The following CPN1 variants were observed in gnomAD, a reference collection of about 807,000 sequenced individuals.
CPN1 encodes the protein carboxypeptidase N catalytic chain.
A neutral mutation model predicts 46.4 loss-of-function variants in CPN1; 37 were observed. The ratio of observed to expected loss-of-function variants is 0.80; its 90% CI spans 0.61 to 1.05. CPN1 has a LOEUF of 1.05. Among genes scored for constraint, CPN1 ranks in the 50% least tolerant of loss-of-function variants. The pLI is 0.00. For missense variants in CPN1, 563 were observed against 602.6 expected, an observed-to-expected ratio of 0.93 and a Z score of 0.69; for synonymous variants, 224 against 235.4, an observed-to-expected ratio of 0.95 and a Z score of 0.44.
Position 100,063,692 on chromosome 10 carries a change from T to C in CPN1, c.793A>G (p.Met265Val). 1.2e-6 allele frequency: 2 copies of C among 1,614,014 alleles called. No homozygotes were observed. The highest frequency in any genetic ancestry group is 1.7e-6 in the Non-Finnish European group (2 of 1,179,962). Reference sequence around the variant, plus strand: ...TCTCCGCAGTTCCAACCTTGGAACATCCATCCATGTGCATAGGAGTAGACC... The same window carrying C: ...TCTCCGCAGTTCCAACCTTGGAACACCCATCCATGTGCATAGGAGTAGACC... Reference protein sequence around the residue: ...AKVYSYAHGWMFQGWNCGDYF... With the variant: ...AKVYSYAHGWVFQGWNCGDYF... The change falls in exon 5 of 9, where the codon ATG becomes GTG. Residue 265 changes from methionine (M) to valine (V), a missense_variant. Met to Val is a conservative substitution (Grantham distance 21). Coordinates refer to ENST00000370418, the MANE Select transcript of CPN1 (RefSeq NM_001308.3).
chr10:100,062,165 G>C (rs936724614), intron 5 of CPN1, among the ~76,000 whole-genome samples: 1 of 152,230 alleles, frequency 6.6e-6, no homozygotes, highest in Non-Finnish European at 1.5e-5. Context: ...GAAGGATGGG[G>C]AAAGACAGGT....
chr10:100,044,001 A>C (rs1469752768), intron 8 of CPN1, among the ~76,000 whole-genome samples: 1 of 152,110 alleles, frequency 6.6e-6, no homozygotes, highest in Admixed American at 6.6e-5. Flanking sequence ...ACAGTGTCCT[A>C]ACCACACTCC....
intron 2 of CPN1, among the ~76,000 whole-genome samples, chr10:100,071,281 GCAATTTATTCTC>G: frequency 6.6e-6 from 1 of 152,282 alleles, no homozygotes; most frequent in South Asian, 2.1e-4. Context: ...TATAACAACA[GCAATTTATTCTC>G]CAATTTATTC....
intron 8 of CPN1, among the ~76,000 whole-genome samples, chr10:100,043,504 C>A (rs1341772738): frequency 6.6e-6 from 1 of 152,070 alleles, no homozygotes; most frequent in Admixed American, 6.6e-5. Context: ...GGTGCTGTAA[C>A]AATCTTCTTT....
intron 8 of CPN1, among the ~76,000 whole-genome samples, chr10:100,046,510 C>A (rs551627946): frequency 6.6e-6 from 1 of 152,170 alleles, no homozygotes; most frequent in African/African-American, 2.4e-5. Context: ...CAGTGGCTCA[C>A]GCCTGTAATC....
chr10:100,052,020 T>A (rs1164101916), intron 7 of CPN1, among the ~76,000 whole-genome samples: 1 of 151,578 alleles, frequency 6.6e-6, no homozygotes, highest in Non-Finnish European at 1.5e-5. Flanking sequence ...CATGCCTCTG[T>A]GCCTCAGCTT....
intron 2 of CPN1, among the ~76,000 whole-genome samples, chr10:100,073,426 C>T (rs1158537110): frequency 2.0e-5 from 3 of 152,144 alleles, no homozygotes; most frequent in African/African-American, 4.8e-5. Flanking sequence ...GTTTCATAAA[C>T]AGGGCTAGTG....
intron 8 of CPN1, 42 bp from the exon 9 acceptor site, chr10:100,042,615 A>T (rs1466741294): frequency 6.2e-7 from 1 of 1,612,826 alleles, no homozygotes; most frequent in Non-Finnish European, 8.5e-7. Context: ...CGTTTGGACC[A>T]TCTTTTGCCA....
chr10:100,077,143 G>A (rs1350113071), intron 1 of CPN1, among the ~76,000 whole-genome samples: 1 of 151,584 alleles, frequency 6.6e-6, no homozygotes, highest in Non-Finnish European at 1.5e-5. Flanking sequence ...CACCCTTCTA[G>A]GCCCAGTTCA....
intron 1 of CPN1, among the ~76,000 whole-genome samples, chr10:100,080,757 T>A (rs1047981719): frequency 4.6e-5 from 7 of 151,966 alleles, no homozygotes; most frequent in Non-Finnish European, 1.0e-4. Context: ...GCCGGGCGTA[T>A]TGGTGCATGC....
At chr10:100,054,549 T>A in intron 6 of CPN1, 103 bp from the exon 7 acceptor site, 2 of 923,830 alleles carry the variant, frequency 2.2e-6, no homozygotes, top group East Asian at 5.0e-5. Flanking sequence ...TATTTTATCT[T>A]CACAAAGATG....
chr10:100,045,356 A>T (rs994669672), intron 8 of CPN1, among the ~76,000 whole-genome samples: 5 of 152,236 alleles, frequency 3.3e-5, no homozygotes, highest in African/African-American at 1.2e-4. Context: ...GGATATAACA[A>T]GAAAAAAGGG....
intron 1 of CPN1, 65 bp downstream of exon 1, chr10:100,081,338 C>T (rs2041543692): frequency 2.8e-6 from 4 of 1,438,020 alleles, no homozygotes; most frequent in Admixed American, 3.8e-5. Flanking sequence ...GAAACCACTC[C>T]AATTACTGGA....
chr10:100,073,584 T>C (rs1354508813), intron 2 of CPN1, among the ~76,000 whole-genome samples: 1 of 151,024 alleles, frequency 6.6e-6, no homozygotes, highest in Non-Finnish European at 1.5e-5. Flanking sequence ...TTTCTAGAGA[T>C]CATTCACATT....
At position 100,056,868 on chromosome 10, in the gene CPN1, T is replaced by C. The variant is rs571477172; in HGVS notation, c.1011+145A>G. The C allele has an allele frequency of 1.2e-5, 12 of 998,634 alleles. No individual in the cohort carries two copies. In the East Asian group the frequency reaches 2.9e-4, roughly 24 times the overall value. 61.9% of individuals were successfully genotyped at this position (998,634 alleles called of 1,614,324 possible). On this transcript the variant is annotated intron_variant, in intron 6 of 8. Transcript: ENST00000370418. ...CGTTCAGCTGCTCAATAATGTTGAA[T>C]GAATAAATCTCAATGGAAGAAGACG...
chr10:100,052,778 G>A (rs984726401), intron 7 of CPN1, among the ~76,000 whole-genome samples: 1 of 152,164 alleles, frequency 6.6e-6, no homozygotes, highest in African/African-American at 2.4e-5. Flanking sequence ...TACTTGGGAG[G>A]CTGAGGAGGG....
intron 5 of CPN1, among the ~76,000 whole-genome samples, chr10:100,060,208 C>A (rs571971811): frequency 2.6e-5 from 4 of 152,066 alleles, no homozygotes; most frequent in African/African-American, 9.7e-5. Flanking sequence ...CTTAATAATA[C>A]GGAATCATAT....
intron 8 of CPN1, among the ~76,000 whole-genome samples, chr10:100,045,304 C>T (rs1218311009): frequency 6.6e-6 from 1 of 152,040 alleles, no homozygotes; most frequent in African/African-American, 2.4e-5. Context: ...GCTGGTAATG[C>T]AAAACTTATA....
At chr10:100,043,680 A>T (rs147981431) in intron 8 of CPN1, among the ~76,000 whole-genome samples, 2,520 of 148,128 alleles carry the variant, frequency 0.017, 38 homozygotes, top group Middle Eastern at 0.044. Context: ...TTTTTTTTTT[A>T]ATTTTAGAGA....
Sources: allele counts gnomAD v4.1 joint callset (sites outside exome capture counted in the v4.1 genomes callset), GRCh38; gene constraint gnomAD v4.1.1; transcripts MANE v1.5; gene names NCBI Gene and HGNC (gene_info 2026-07-23, HGNC 2026-07-21).